Variants in ANKRD13B observed in about 807,000 individuals in gnomAD.
ANKRD13B encodes ankyrin repeat domain-containing protein 13B.
Under a neutral mutation model 74.4 loss-of-function variants are expected in ANKRD13B, and 33 were observed. The observed-to-expected ratio is 0.44, with a 90% CI of 0.34 to 0.59. The LOEUF is 0.59. Ranked by LOEUF, ANKRD13B falls within the 20% of genes least tolerant of loss-of-function variation. The probability of loss-of-function intolerance (pLI) is 0.02; values close to 1 mark genes in which losing one functional copy is unlikely to be tolerated. For missense variants in ANKRD13B, 676 were observed against 877.9 expected (o/e 0.77, Z 2.91); for synonymous variants, 341 against 362.9 (o/e 0.94, Z 0.68).
rs1285263217 is a variant in ANKRD13B at position 29,613,366 on chromosome 17, C to T, written c.1665C>T (p.Pro555=). The part of the protein sequence containing the change: ...EGRRQDRSAP[P]TPQRQPAPPA... ...TCCCCACCCCCAGGAGCGCCCCGCC[C>T]ACGCCGCAGCGCCAGCCTGCGCCCC... The change falls in exon 15 of 15, where the codon CCC becomes CCT. Residue 555 remains proline (P), a synonymous_variant. Coordinates refer to ENST00000394859, the MANE Select transcript of ANKRD13B (RefSeq NM_152345.5). 2 of 1,466,202 alleles carry T rather than the reference C, an allele frequency of 1.4e-6. No homozygotes were observed. Among genetic ancestry groups the T allele is most frequent in the Non-Finnish European group, 1.8e-6 (2 of 1,116,774 alleles). The allele number at this position is 1,466,202 out of a possible 1,614,324, so 90.8% of individuals were successfully genotyped here.
rs761243477 is a variant in ANKRD13B at position 29,608,521 on chromosome 17, A to G, written c.421+281A>G. 1.5e-3 allele frequency: 859 copies of G among 577,000 alleles called. 6 individuals carry two copies. The highest frequency in any genetic ancestry group is 2.1e-3 in the South Asian group (89 of 42,630). 35.7% of individuals were successfully genotyped at this position (577,000 alleles called of 1,614,324 possible). On this transcript the variant is annotated intron_variant, in intron 4 of 14. Transcript: ENST00000394859. The surrounding 1 kb of genome is among the most constrained non-coding windows in gnomAD (Gnocchi z 6.4). Reference sequence around the variant, plus strand: ...AGAGGGCAGGAGTCCTGTCTTTTTCACTGTTGTATTCCCAGTGGCTGGAAC... The same window carrying G: ...AGAGGGCAGGAGTCCTGTCTTTTTCGCTGTTGTATTCCCAGTGGCTGGAAC...
At chr17:29,604,838 C>T (rs934911355) in intron 1 of ANKRD13B, among the ~76,000 whole-genome samples, 3 of 152,198 alleles carry the variant, frequency 2.0e-5, no homozygotes, top group Admixed American at 2.0e-4. Context: ...CCACTGCACC[C>T]GGCCTGAGGC....
At position 29,612,043 on chromosome 17, in the gene ANKRD13B, G is replaced by C. The variant is rs746009537; in HGVS notation, c.1100+37G>C. The C allele has an allele frequency of 3.7e-6, 6 of 1,607,516 alleles. No homozygotes were observed. The highest frequency in any genetic ancestry group is 5.1e-6 in the Non-Finnish European group (6 of 1,176,060). The stretch of plus-strand genomic sequence containing the variant: ...GCCGGTGCTGGGAAGGTGGGGGGCC[G>C]GGGCTCCAGGAGATGCTGGGAGGCC... On this transcript the variant is annotated intron_variant, in intron 10 of 14. Coordinates refer to ENST00000394859, the MANE Select transcript of ANKRD13B (RefSeq NM_152345.5). This position sits in a 1 kb window ranked among gnomAD's most constrained non-coding sequence, Gnocchi z 6.1.
chr17:29,593,526 C>G lies in ANKRD13B; in HGVS notation c.-96C>G. The G allele has an allele frequency of 2.5e-6, 1 of 400,234 alleles. No homozygotes were observed. The highest frequency in any genetic ancestry group is 9.6e-5 in the South Asian group (1 of 10,466). 24.8% of individuals were successfully genotyped at this position (400,234 alleles called of 1,614,324 possible). A position where few individuals can be genotyped will look rare whatever the true frequency, so the allele number is the denominator to read the frequency against. On this transcript the variant is annotated 5_prime_UTR_variant, in exon 1 of 15. Transcript: ENST00000394859. The stretch of plus-strand genomic sequence containing the variant: ...CCCGAGCCGCAGCCCCGCGAGCAGG[C>G]AGCGCCGGCCCCCCGCCCCGCGGCC...
intron 14 of ANKRD13B, 60 bp from the exon 15 acceptor site, chr17:29,613,294 C>T: frequency 2.2e-6 from 3 of 1,384,558 alleles, no homozygotes; most frequent in Non-Finnish European, 2.8e-6. Context: ...CGCCGTGTCC[C>T]GGCCCCGGCC....
rs2033839047 is a variant in ANKRD13B, at chr17:29,593,519, G to A, written c.-103G>A. On this transcript the variant is annotated 5_prime_UTR_variant, in exon 1 of 15. Coordinates refer to ENST00000394859, the MANE Select transcript of ANKRD13B (RefSeq NM_152345.5). Reference sequence around the variant, plus strand: ...GCACATGCCCGAGCCGCAGCCCCGCGAGCAGGCAGCGCCGGCCCCCCGCCC... The same window carrying A: ...GCACATGCCCGAGCCGCAGCCCCGCAAGCAGGCAGCGCCGGCCCCCCGCCC... 3 of 353,262 alleles carry A rather than the reference G, an allele frequency of 8.5e-6. No individual in the cohort carries two copies. Among genetic ancestry groups the A allele is most frequent in the Non-Finnish European group, 1.2e-5 (3 of 253,738 alleles). The allele number at this position is 353,262 out of a possible 1,614,324, so 21.9% of individuals were successfully genotyped here. A position where few individuals can be genotyped will look rare whatever the true frequency, so the allele number is the denominator to read the frequency against.
intron 1 of ANKRD13B, among the ~76,000 whole-genome samples, chr17:29,598,722 A>ATT (rs1009097318): frequency 6.7e-6 from 1 of 150,178 alleles, no homozygotes; most frequent in Non-Finnish European, 1.5e-5. Context: ...TAATTTTTGT[A>ATT]TTTTTTTTTG....
At position 29,611,746 on chromosome 17, in the gene ANKRD13B, C is replaced by T. The variant is rs2034586794; in HGVS notation, c.969+103C>T. 6.3e-7 allele frequency: 1 copy of T among 1,576,040 alleles called. No individual in the cohort carries two copies. Among genetic ancestry groups the T allele is most frequent in the Admixed American group, 1.7e-5 (1 of 58,878 alleles). ...AGCATGGCCTATGTGGACCTCCTTTCCACAATGCCCAAGGCCATGTCAGCG... is the reference window on the plus strand; with the variant it reads ...AGCATGGCCTATGTGGACCTCCTTTTCACAATGCCCAAGGCCATGTCAGCG... On this transcript the variant is annotated intron_variant, in intron 9 of 14. Transcript: ENST00000394859. The surrounding 1 kb of genome is among the most constrained non-coding windows in gnomAD (Gnocchi z 4.3).
chr17:29,606,861 C>T (rs569421468), intron 1 of ANKRD13B, among the ~76,000 whole-genome samples: 59 of 151,478 alleles, frequency 3.9e-4, no homozygotes, highest in Non-Finnish European at 7.1e-4. Context: ...CTAGCCTGGC[C>T]AACATGGTGA....
intron 1 of ANKRD13B, 95 bp from the exon 2 acceptor site, chr17:29,607,647 G>T: frequency 6.7e-7 from 1 of 1,490,354 alleles, no homozygotes; most frequent in Non-Finnish European, 9.0e-7. Flanking sequence ...CCCAGCAGGG[G>T]GTGGGGGTTG....
At chr17:29,610,042 A>G (rs528224858) in intron 7 of ANKRD13B, among the ~76,000 whole-genome samples, 1 of 152,180 alleles carries the variant, frequency 6.6e-6, no homozygotes, top group East Asian at 1.9e-4. Context: ...AATACAAAAA[A>G]TTAGCCGGGT....
chr17:29,611,445 A>G lies in ANKRD13B; in HGVS notation c.905-134A>G. ...AGTCCCCTTCAGGTGAAGGTGCCTG[A>G]GTATGTGGTTGGGTGAGCAGGCCCC... On this transcript the variant is annotated intron_variant, in intron 8 of 14. Coordinates refer to ENST00000394859, the MANE Select transcript of ANKRD13B (RefSeq NM_152345.5). The surrounding 1 kb of genome is among the most constrained non-coding windows in gnomAD (Gnocchi z 4.3). 1 of 821,318 alleles carries G rather than the reference A, an allele frequency of 1.2e-6. No individual in the cohort carries two copies. Among genetic ancestry groups the G allele is most frequent in the Non-Finnish European group, 2.0e-6 (1 of 494,646 alleles). The allele number at this position is 821,318 out of a possible 1,614,324, so 50.9% of individuals were successfully genotyped here.
At chr17:29,595,927 C>T (rs567521019) in intron 1 of ANKRD13B, among the ~76,000 whole-genome samples, 1 of 152,328 alleles carries the variant, frequency 6.6e-6, no homozygotes, top group Non-Finnish European at 1.5e-5. Flanking sequence ...ACACTGCCTA[C>T]TCCCCAGGGC....
Position 29,606,839 on chromosome 17 carries a change from A to T in ANKRD13B, c.115-903A>T, listed in dbSNP as rs1009373414. 3.3e-5 allele frequency among the ~76,000 whole-genome samples: 5 copies of T among 151,562 alleles called. No individual in the cohort carries two copies. The East Asian group carries it at 5.8e-4, about 18-fold the overall frequency. ...CGAGCCAGGTGGATCACCTGAGGTC[A>T]GGAGTTCAAGACTAGCCTGGCCAAC... is the stretch of plus-strand genomic sequence containing the variant. On this transcript the variant is annotated intron_variant, in intron 1 of 14. Coordinates refer to ENST00000394859, the MANE Select transcript of ANKRD13B (RefSeq NM_152345.5).
intron 1 of ANKRD13B, among the ~76,000 whole-genome samples, chr17:29,604,184 AT>A (rs1173831718): frequency 6.6e-6 from 1 of 151,132 alleles, no homozygotes; most frequent in Non-Finnish European, 1.5e-5. Context: ...GACTAGGTAA[AT>A]TACTTGCAAA....
At chr17:29,596,686 G>T (rs559988836) in intron 1 of ANKRD13B, among the ~76,000 whole-genome samples, 2 of 152,344 alleles carry the variant, frequency 1.3e-5, no homozygotes, top group African/African-American at 4.8e-5. Flanking sequence ...TGCTTTCCCT[G>T]TTCACCCTTC....
chr17:29,611,723 C>T lies in ANKRD13B; in HGVS notation c.969+80C>T. The stretch of plus-strand genomic sequence containing the variant: ...GAGGCTTGGGAAGCGTCCTGCTTAG[C>T]ATGGCCTATGTGGACCTCCTTTCCA... On this transcript the variant is annotated intron_variant, in intron 9 of 14. Coordinates refer to ENST00000394859, the MANE Select transcript of ANKRD13B (RefSeq NM_152345.5). This position sits in a 1 kb window ranked among gnomAD's most constrained non-coding sequence, Gnocchi z 4.3. 2.5e-6 allele frequency: 4 copies of T among 1,586,178 alleles called. No homozygotes were observed. Among genetic ancestry groups the T allele is most frequent in the Non-Finnish European group, 2.6e-6 (3 of 1,155,814 alleles).
At chr17:29,602,970 G>T (rs1286586276) in intron 1 of ANKRD13B, among the ~76,000 whole-genome samples, 2 of 152,016 alleles carry the variant, frequency 1.3e-5, no homozygotes, top group African/African-American at 4.8e-5. Context: ...TCCTGCCTCA[G>T]CCCCCAAGTA....
intron 1 of ANKRD13B, among the ~76,000 whole-genome samples, chr17:29,598,775 T>C (rs571654737): frequency 2.0e-4 from 30 of 152,288 alleles, no homozygotes; most frequent in African/African-American, 7.0e-4. Context: ...GGTCTCGAAC[T>C]CCTGAGCTCA....
Sources: gnomAD v4.1 joint callset for allele counts (sites outside exome capture counted in the v4.1 genomes callset) on GRCh38, gnomAD v4.1.1 for gene constraint, Gnocchi (gnomAD v3.1) non-coding constraint, MANE v1.5 for transcripts, NCBI Gene and HGNC (gene_info 2026-07-23, HGNC 2026-07-21) for gene names.